Variants in USP24 observed in about 807,000 individuals in gnomAD.
The protein encoded by USP24 is ubiquitin carboxyl-terminal hydrolase 24.
Under a neutral mutation model 361.6 loss-of-function variants are expected in USP24, and 97 were observed. The observed-to-expected ratio is 0.27, with a 90% confidence interval of 0.23 to 0.32. The LOEUF (loss-of-function observed/expected upper bound fraction) is 0.32. Ranked by LOEUF, USP24 falls within the 10% of genes least tolerant of loss-of-function variation. USP24 has a pLI of 1.00. For synonymous variants in USP24, 1,098 were observed against 1,124.6 expected (o/e 0.98, Z 0.47); for missense variants, 2,353 against 3,165.6 (o/e 0.74, Z 6.16).
chr1:55,200,984 C>A (rs989893143), intron 1 of USP24, among the ~76,000 whole-genome samples: 5 of 152,102 alleles, frequency 3.3e-5, no homozygotes, highest in South Asian at 2.1e-4. Context: ...GTGTTACATC[C>A]AAAATTGTAT....
At chr1:55,107,217 G>A (rs747562826) in intron 40 of USP24, 22 bp downstream of exon 40, 1 of 1,599,208 alleles carries the variant, frequency 6.3e-7, no homozygotes, top group South Asian at 1.1e-5. Context: ...TCTGCCATGT[G>A]ATAAGATGGA....
At chr1:55,205,899 G>C (rs116092113) in intron 1 of USP24, among the ~76,000 whole-genome samples, 1 of 152,136 alleles carries the variant, frequency 6.6e-6, no homozygotes, top group East Asian at 1.9e-4. Flanking sequence ...ATACGTGAGA[G>C]GCCCCATAGC....
intron 51 of USP24, among the ~76,000 whole-genome samples, chr1:55,094,372 T>C (rs920005163): frequency 6.6e-6 from 1 of 152,126 alleles, no homozygotes; most frequent in Non-Finnish European, 1.5e-5. Context: ...GCATATGAGA[T>C]TTAACATTTA....
chr1:55,178,042 G>A lies in USP24; in HGVS notation c.415C>T (p.His139Tyr). ...YELESRVLTD[H>Y]WSIPYKREES... ...TCTCGCTTGTAAGGGATGGACCAAT[G>A]ATCAGTCAAAACACGGCTTTCCAGT... Residue 139 changes from histidine to tyrosine, a missense_variant, in exon 2 of 68, where the codon CAT becomes TAT. This residue lies in a region of USP24 where 253 missense variants were observed against 255.3 expected (regional missense o/e 0.99). Coordinates refer to ENST00000294383, the MANE Select transcript of USP24 (RefSeq NM_015306.3). 6.4e-7 allele frequency: 1 copy of A among 1,551,640 alleles called. No homozygotes were observed. Among genetic ancestry groups the A allele is most frequent in the Non-Finnish European group, 8.7e-7 (1 of 1,146,924 alleles).
chr1:55,134,026 A>G, intron 30 of USP24, 44 bp downstream of exon 30: 1 of 1,486,088 alleles, frequency 6.7e-7, no homozygotes, highest in East Asian at 2.3e-5. Flanking sequence ...TCACTCACTG[A>G]ATTGTGATAT....
Position 55,154,442 on chromosome 1 carries a change from C to T in USP24, c.1579G>A (p.Val527Ile), listed in dbSNP as rs988386705. Reference protein sequence around the residue: ...QKSWETESDRVRQKLLSLIGR... With the variant: ...QKSWETESDRIRQKLLSLIGR... ...ATCAGGCTCAAAAGCTTCTGTCTTA[C>T]TCTATCACTCTCAGTCTCCCAGCTC... is the stretch of plus-strand genomic sequence containing the variant. The change falls in exon 14 of 68, where the codon GTA (valine) becomes ATA (isoleucine). Residue 527 changes from valine (V) to isoleucine (I), a missense_variant. Transcript: ENST00000294383. 6.4e-7 allele frequency: 1 copy of T among 1,551,480 alleles called. No individual in the cohort carries two copies. Among genetic ancestry groups the T allele is most frequent in the Non-Finnish European group, 8.7e-7 (1 of 1,146,830 alleles).
At position 55,099,775 on chromosome 1, in the gene USP24, A is replaced by G; in HGVS notation, c.5366T>C (p.Leu1789Pro). 1 of 1,552,530 alleles carries G rather than the reference A, an allele frequency of 6.4e-7. No homozygotes were observed. The highest frequency in any genetic ancestry group is 1.4e-5 in the African/African-American group (1 of 73,342). The change falls in exon 45 of 68, where the codon CTC (leucine) becomes CCC (proline). Residue 1789 changes from leucine (L) to proline (P), a missense_variant. Leu to Pro is a moderately conservative substitution (Grantham distance 98). Coordinates refer to ENST00000294383, the MANE Select transcript of USP24 (RefSeq NM_015306.3). ...TSLIDQMDEY[L>P]KKMGRDQIFK... ...GGAAAGTACAACTTTTACTACCTTG[A>G]GGTATTCATCCATCTGATCAATGAG...
intron 29 of USP24, 64 bp downstream of exon 29, chr1:55,134,264 G>A: frequency 1.9e-6 from 3 of 1,567,894 alleles, no homozygotes; most frequent in Non-Finnish European, 2.6e-6. Flanking sequence ...CAAGTGAAAA[G>A]TTACTTGGCT....
At position 55,132,582 on chromosome 1, in the gene USP24, G is replaced by A. The variant is rs373809041; in HGVS notation, c.3500C>T (p.Pro1167Leu). 5.0e-6 allele frequency: 8 copies of A among 1,613,432 alleles called. No homozygotes were observed. Among genetic ancestry groups the A allele is most frequent in the African/African-American group, 1.3e-5 (1 of 74,868 alleles). ...GAGCACTCTGAAGGTAGACATTCCCGGGGCAAAAGATCGAAACAGACTTTC... is the reference window on the plus strand; with the variant it reads ...GAGCACTCTGAAGGTAGACATTCCCAGGGCAAAAGATCGAAACAGACTTTC... Reference protein sequence around the residue: ...ILESLFRSFAPGMSTFRVLYN... With the variant: ...ILESLFRSFALGMSTFRVLYN... Residue 1167 changes from proline to leucine, a missense_variant, in exon 31 of 68, where the codon CCG (proline) becomes CTG (leucine). Pro to Leu is a moderately conservative substitution (Grantham distance 98). Transcript: ENST00000294383.
At chr1:55,186,890 T>C (rs1320759701) in intron 1 of USP24, among the ~76,000 whole-genome samples, 1 of 152,148 alleles carries the variant, frequency 6.6e-6, no homozygotes, top group Non-Finnish European at 1.5e-5. Context: ...CACAGAACTG[T>C]ACACTTAAAA....
intron 1 of USP24, among the ~76,000 whole-genome samples, chr1:55,204,831 C>T (rs1449529305): frequency 6.6e-6 from 1 of 152,186 alleles, no homozygotes; most frequent in East Asian, 1.9e-4. Flanking sequence ...GGCTGTTTTG[C>T]TGCTCTGACA....
rs764961912 is a variant in USP24, at chr1:55,067,197, T to A, written c.*1848A>T. On this transcript the variant is annotated 3_prime_UTR_variant, in exon 68 of 68. Coordinates refer to ENST00000294383, the MANE Select transcript of USP24 (RefSeq NM_015306.3). ...GAGAGTGCAGTCGCCAGCGATGATA[T>A]CCCAGTGTGGATCATCGCCAGCATT... 3 of 152,126 alleles carry A rather than the reference T, an allele frequency of 2.0e-5. No individual in the cohort carries two copies. Among genetic ancestry groups the A allele is most frequent in the African/African-American group, 7.2e-5 (3 of 41,402 alleles). 9.4% of individuals were successfully genotyped at this position (152,126 alleles called of 1,614,324 possible). A position where few individuals can be genotyped will look rare whatever the true frequency, so the allele number is the denominator to read the frequency against.
intron 5 of USP24, among the ~76,000 whole-genome samples, chr1:55,169,540 A>G (rs1373266932): frequency 6.6e-6 from 1 of 152,212 alleles, no homozygotes; most frequent in Non-Finnish European, 1.5e-5. Context: ...ATTTACAAAC[A>G]TTAAAGAGAA....
intron 36 of USP24, among the ~76,000 whole-genome samples, chr1:55,122,680 A>T (rs1055378214): frequency 6.6e-6 from 1 of 152,080 alleles, no homozygotes; most frequent in Admixed American, 6.6e-5. Context: ...GAAGGGGGAT[A>T]TGCTGACAGA....
intron 11 of USP24, 78 bp from the exon 12 acceptor site, chr1:55,157,129 C>G: frequency 7.1e-7 from 1 of 1,412,196 alleles, no homozygotes; most frequent in Non-Finnish European, 9.9e-7. Flanking sequence ...TGATTCAAAA[C>G]AATAACTTAC....
In USP24 at chr1:55,072,878, T is replaced by C. The variant is rs1017092717; in HGVS notation, c.7527-17A>G. The C allele has an allele frequency of 4.4e-6, 7 of 1,592,558 alleles. No individual in the cohort carries two copies. Among genetic ancestry groups the C allele is most frequent in the Non-Finnish European group, 6.0e-6 (7 of 1,169,690 alleles). ...GCAGGACACCTGATGACCGAGGAGA[T>C]TTTTATTAGCCAAATTCTTTCTTTG... On this transcript the variant is annotated splice_polypyrimidine_tract_variant and intron_variant, in intron 64 of 67. Transcript: ENST00000294383.
At chr1:55,162,302 A>C in intron 7 of USP24, 38 bp from the exon 8 acceptor site, 1 of 1,487,042 alleles carries the variant, frequency 6.7e-7, no homozygotes, top group Non-Finnish European at 8.9e-7. Flanking sequence ...TACATTTGAG[A>C]GGATTTTTTT....
chr1:55,203,569 T>C (rs1644632674), intron 1 of USP24, among the ~76,000 whole-genome samples: 1 of 152,256 alleles, frequency 6.6e-6, no homozygotes, highest in Non-Finnish European at 1.5e-5. Context: ...TATATCTTGC[T>C]AAGTAGTCTT....
chr1:55,159,497 T>C, intron 9 of USP24, 114 bp downstream of exon 9: 1 of 829,192 alleles, frequency 1.2e-6, no homozygotes, highest in Non-Finnish European at 1.9e-6. Flanking sequence ...TAATTCGATG[T>C]GAATGCATGT....
Sources: allele counts gnomAD v4.1 joint callset (sites outside exome capture counted in the v4.1 genomes callset), GRCh38; gene constraint gnomAD v4.1.1; regional missense constraint gnomAD v4.1.1; transcripts MANE v1.5; gene names NCBI Gene and HGNC (gene_info 2026-07-23, HGNC 2026-07-21).